Variants in MARK3 observed in about 807,000 individuals in gnomAD.
MARK3 encodes microtubule affinity regulating kinase 3, also known as MAP/microtubule affinity-regulating kinase 3.
In MARK3, 46 loss-of-function variants were observed where a neutral mutation model predicts 90.1. The observed-to-expected ratio is 0.51, with a 90% CI of 0.40 to 0.65. The LOEUF is 0.65. Ranked by LOEUF, MARK3 falls within the 30% of genes least tolerant of loss-of-function variation. MARK3 has a pLI of 0.00. For synonymous variants in MARK3, 321 were observed against 332.6 expected, an observed-to-expected ratio of 0.97 and a Z score of 0.38; for missense variants, 818 against 947.2, an observed-to-expected ratio of 0.86 and a Z score of 1.79.
intron 3 of MARK3, among the ~76,000 whole-genome samples, chr14:103,436,496 A>C (rs925553731): frequency 4.0e-5 from 6 of 151,892 alleles, no homozygotes; most frequent in Non-Finnish European, 8.8e-5. Context: ...CCACTGTAAA[A>C]ATAGTTGTTA....
intron 2 of MARK3, among the ~76,000 whole-genome samples, chr14:103,413,023 C>T (rs994044118): frequency 3.3e-5 from 5 of 151,896 alleles, no homozygotes; most frequent in East Asian, 1.9e-4. Flanking sequence ...TACAGGCATG[C>T]ACCACCATGC....
chr14:103,491,439 G>T (rs979414734), intron 14 of MARK3: 2 of 246,658 alleles, frequency 8.1e-6, no homozygotes, highest in Non-Finnish European at 7.9e-6. Context: ...TATTTCTTTC[G>T]TATTGGCACA....
chr14:103,469,445 G>A (rs1394157867), intron 12 of MARK3: 3 of 152,108 alleles, frequency 2.0e-5, no homozygotes, highest in Non-Finnish European at 4.4e-5. Context: ...GCCTCCAAAA[G>A]TGATGGGATT....
At chr14:103,447,448 G>A (rs1241251094) in intron 3 of MARK3, among the ~76,000 whole-genome samples, 1 of 152,204 alleles carries the variant, frequency 6.6e-6, no homozygotes, top group African/African-American at 2.4e-5. Flanking sequence ...ATAGGCCGCT[G>A]CTTCTCTTCT....
chr14:103,447,243 G>A (rs191319143), intron 3 of MARK3, among the ~76,000 whole-genome samples: 3 of 152,272 alleles, frequency 2.0e-5, no homozygotes, highest in Non-Finnish European at 1.5e-5. Flanking sequence ...AGGCTACAGT[G>A]AACTATGATC....
chr14:103,428,858 C>T (rs1182636543), intron 3 of MARK3, among the ~76,000 whole-genome samples: 1 of 152,088 alleles, frequency 6.6e-6, no homozygotes, highest in African/African-American at 2.4e-5. Context: ...TCCTTAAACT[C>T]TTGACACACC....
At chr14:103,472,647 C>A (rs1434438478) in intron 12 of MARK3, among the ~76,000 whole-genome samples, 8 of 72,504 alleles carry the variant, frequency 1.1e-4, no homozygotes, top group African/African-American at 4.2e-4. Flanking sequence ...GGCTCCATCT[C>A]AAAAAAAAAA....
chr14:103,463,644 C>A (rs2093444526), intron 7 of MARK3, among the ~76,000 whole-genome samples: 1 of 152,188 alleles, frequency 6.6e-6, no homozygotes, highest in Non-Finnish European at 1.5e-5. Context: ...CTATCCAAGG[C>A]CAGACCACCA....
intron 3 of MARK3, among the ~76,000 whole-genome samples, chr14:103,448,373 A>G (rs569873917): frequency 4.6e-5 from 7 of 152,284 alleles, no homozygotes; most frequent in Admixed American, 2.0e-4. Context: ...CATGTAAGGC[A>G]TGACTCATGA....
chr14:103,470,614 C>A (rs1225430562), intron 12 of MARK3, among the ~76,000 whole-genome samples: 2 of 151,348 alleles, frequency 1.3e-5, no homozygotes, highest in African/African-American at 4.9e-5. Flanking sequence ...CATCACCATG[C>A]CCAGCTAATT....
In MARK3 at chr14:103,387,478, G is replaced by A. The variant is rs28712756; in HGVS notation, c.51+1398G>A. ...CCTTTTAAAGAAACCTTATTTATTT[G>A]TTTATTTATTTATTTATTTACTTAT... On this transcript the variant is annotated intron_variant, in intron 1 of 17. Transcript: ENST00000429436. Among the ~76,000 whole-genome samples the A allele has an allele frequency of 8.4e-3, 681 of 81,316 alleles. 2 individuals carry two copies. Among genetic ancestry groups the A allele is most frequent in the African/African-American group, 0.018 (579 of 33,046 alleles). 53.3% of individuals were successfully genotyped at this position (81,316 alleles called of 152,430 possible).
chr14:103,386,361 A>G (rs953616530), intron 1 of MARK3: 14 of 683,048 alleles, frequency 2.0e-5, no homozygotes, highest in Non-Finnish European at 3.5e-5. Context: ...TTGAGAGGCC[A>G]GGTTGCCGCG....
intron 14 of MARK3, chr14:103,489,639 C>G (rs1198536947): frequency 6.6e-6 from 1 of 152,176 alleles, no homozygotes; most frequent in African/African-American, 2.4e-5. Flanking sequence ...TGTCGTTAGT[C>G]TGTGTATGGG....
chr14:103,458,526 A>G (rs932651652), intron 6 of MARK3, among the ~76,000 whole-genome samples: 11 of 151,762 alleles, frequency 7.2e-5, no homozygotes, highest in African/African-American at 1.9e-4. Context: ...CTGTGTTCCA[A>G]CAAAACTTTA....
chr14:103,388,791 TCTTTCA>T (rs2090003562), intron 1 of MARK3, among the ~76,000 whole-genome samples: 1 of 152,196 alleles, frequency 6.6e-6, no homozygotes, highest in Non-Finnish European at 1.5e-5. Flanking sequence ...TTTTGTGTCT[TCTTTCA>T]CTTAGAGTAG....
Position 103,467,136 on chromosome 14 carries a change from T to C in MARK3, c.1055T>C (p.Met352Thr), listed in dbSNP as rs1458313187. Reference sequence around the variant, plus strand: ...GAAATTCAAGAATCTCTTAGTAAGATGAAATACGATGAAATCACAGCTACA... The same window carrying C: ...GAAATTCAAGAATCTCTTAGTAAGACGAAATACGATGAAATCACAGCTACA... ...QEEIQESLSK[M>T]KYDEITATYL... The change falls in exon 11 of 18, where the codon ATG (methionine) becomes ACG (threonine). Residue 352 changes from methionine to threonine, a missense_variant. Met to Thr is a moderately conservative substitution (Grantham distance 81). Around this residue, in one of 3 missense-constraint regions of MARK3, gnomAD observed 560 missense variants for 613.5 expected, o/e 0.91. Transcript: ENST00000429436. 8.1e-6 allele frequency: 13 copies of C among 1,603,014 alleles called. No homozygotes were observed. Among genetic ancestry groups the C allele is most frequent in the Non-Finnish European group, 1.1e-5 (13 of 1,172,250 alleles).
At chr14:103,437,620 T>C (rs2141159938) in intron 3 of MARK3, among the ~76,000 whole-genome samples, 1 of 152,262 alleles carries the variant, frequency 6.6e-6, no homozygotes, top group Non-Finnish European at 1.5e-5. Context: ...AAGGACTTAT[T>C]ATGCTATTTT....
At chr14:103,412,460 G>T in intron 2 of MARK3, 1 of 539,346 alleles carries the variant, frequency 1.9e-6, no homozygotes, top group Non-Finnish European at 3.3e-6. Context: ...ATACTTCTTG[G>T]CCAGCTTCTT....
intron 3 of MARK3, 30 bp downstream of exon 3, chr14:103,428,470 T>TA: frequency 7.5e-7 from 1 of 1,338,574 alleles, no homozygotes; most frequent in Admixed American, 2.4e-5. Context: ...TAGTACTTTT[T>TA]AAAAAATTAT....
Sources: gnomAD v4.1 joint callset for allele counts (sites outside exome capture counted in the v4.1 genomes callset) on GRCh38, gnomAD v4.1.1 for gene constraint, gnomAD v4.1.1 regional missense constraint, MANE v1.5 for transcripts, NCBI Gene and HGNC (gene_info 2026-07-23, HGNC 2026-07-21) for gene names.